NAA16: variants seen among roughly 807,000 people sequenced by gnomAD.
NAA16 encodes NARG1-like protein.
In NAA16, 97 loss-of-function variants were observed where a neutral mutation model predicts 110.3. That is an observed-to-expected ratio of 0.88 (90% CI 0.75 to 1.04). NAA16 has a LOEUF of 1.04. NAA16 is among the 50% of genes least tolerant of loss of function. NAA16 has a pLI of 0.00. For synonymous variants in NAA16, 372 were observed against 330.6 expected, an observed-to-expected ratio of 1.13 and a Z score of -1.36; for missense variants, 1,017 against 1,005.1, an observed-to-expected ratio of 1.01 and a Z score of -0.16.
rs571961230 is a variant in NAA16, at chr13:41,347,878, T to G, written c.1015-7266T>G. Among the ~76,000 whole-genome samples, 73 of 152,344 alleles carry G rather than the reference T, an allele frequency of 4.8e-4. 1 individual carries two copies. The highest frequency in any genetic ancestry group is 4.0e-3 in the Admixed American group (61 of 15,304). ...GCCCTGGGTACCTTCAGTACAATAT[T>G]GACTGGAAGTGGTGAGAGTTCTTTG... On this transcript the variant is annotated intron_variant, in intron 9 of 19. Coordinates refer to ENST00000379406, the MANE Select transcript of NAA16 (RefSeq NM_024561.5).
chr13:41,373,577 T>G, intron 17 of NAA16, 60 bp from the exon 18 acceptor site: 1 of 837,720 alleles, frequency 1.2e-6, no homozygotes, highest in East Asian at 4.2e-5. Context: ...TTTCAGTAGG[T>G]TTTTTTTTTT....
chr13:41,359,314 TA>T (rs2043063470), intron 12 of NAA16, among the ~76,000 whole-genome samples: 1 of 152,208 alleles, frequency 6.6e-6, no homozygotes, highest in South Asian at 2.1e-4. Context: ...AATTCTGTCT[TA>T]CTTTTAACTT....
chr13:41,331,830 G>A (rs903102992), intron 8 of NAA16, among the ~76,000 whole-genome samples: 3 of 152,080 alleles, frequency 2.0e-5, no homozygotes, highest in Admixed American at 1.3e-4. Context: ...ATAAGTAATC[G>A]AGGCGATAGG....
intron 9 of NAA16, among the ~76,000 whole-genome samples, chr13:41,343,821 G>A (rs916287218): frequency 6.6e-6 from 1 of 152,104 alleles, no homozygotes; most frequent in Non-Finnish European, 1.5e-5. Context: ...GATTACAGGC[G>A]TGAGCCACTG....
At chr13:41,319,008 A>G (rs2041879308) in intron 3 of NAA16, 98 bp downstream of exon 3, 1 of 554,830 alleles carries the variant, frequency 1.8e-6, no homozygotes, top group Non-Finnish European at 3.0e-6. Context: ...TACGTAGAAG[A>G]GAGAATTTAA....
chr13:41,320,766 A>G lies in NAA16; in HGVS notation c.344A>G (p.Gln115Arg). The G allele has an allele frequency of 6.2e-7, 1 of 1,613,386 alleles. No individual in the cohort carries two copies. The highest frequency in any genetic ancestry group is 8.5e-7 in the Non-Finnish European group (1 of 1,179,878). Reference sequence around the variant, plus strand: ...CTCAAATTAGATAAAGATAACCTGCAAATTTTGAGGGATCTCTCACTGTTG... The same window carrying G: ...CTCAAATTAGATAAAGATAACCTGCGAATTTTGAGGGATCTCTCACTGTTG... ...NALKLDKDNL[Q>R]ILRDLSLLQI... Residue 115 changes from glutamine (Q) to arginine (R), a missense_variant, in exon 4 of 20, where the codon CAA becomes CGA. Transcript: ENST00000379406.
rs1051892121 is a variant in NAA16, at chr13:41,320,741, C to T, written c.319C>T (p.Leu107Phe). Residue 107 changes from leucine to phenylalanine, a missense_variant, in exon 4 of 20, where the codon CTC (leucine) becomes TTC (phenylalanine). Leu to Phe is a conservative substitution (Grantham distance 22). Coordinates refer to ENST00000379406, the MANE Select transcript of NAA16 (RefSeq NM_024561.5). ...AGCTATAAAATGTTACCGAAATGCC[C>T]TCAAATTAGATAAAGATAACCTGCA... ...DEAIKCYRNA[L>F]KLDKDNLQIL... 2 of 1,613,208 alleles carry T rather than the reference C, an allele frequency of 1.2e-6. No homozygotes were observed. The highest frequency in any genetic ancestry group is 2.2e-5 in the South Asian group (2 of 90,906).
At chr13:41,336,836 A>G (rs1430040108) in intron 9 of NAA16, 80 bp downstream of exon 9, 32 of 756,002 alleles carry the variant, frequency 4.2e-5, no homozygotes, top group Non-Finnish European at 6.3e-5. Context: ...ATAATGTGCT[A>G]TTACTTAATC....
Position 41,375,385 on chromosome 13 carries a change from T to G in NAA16, c.2398-20T>G. On this transcript the variant is annotated intron_variant, in intron 19 of 19. Transcript: ENST00000379406. ...GCTTATTATTTTTAAATAATTTGTG[T>G]TTTCCTTTTGTTTCACTAGACATTA... 6.4e-7 allele frequency: 1 copy of G among 1,573,178 alleles called. No homozygotes were observed. The highest frequency in any genetic ancestry group is 8.7e-7 in the Non-Finnish European group (1 of 1,149,492).
chr13:41,374,285 G>GT (rs948637549), intron 18 of NAA16, among the ~76,000 whole-genome samples: 3 of 151,354 alleles, frequency 2.0e-5, no homozygotes, highest in African/African-American at 7.3e-5. Flanking sequence ...ACATTTTCCT[G>GT]TTTTCCCCGC....
chr13:41,356,657 G>C (rs575729842), intron 10 of NAA16, among the ~76,000 whole-genome samples: 1 of 152,104 alleles, frequency 6.6e-6, no homozygotes, highest in Non-Finnish European at 1.5e-5. Flanking sequence ...CAAATAATTG[G>C]TTGTTATATC....
In NAA16 at chr13:41,331,360, C is replaced by T. The variant is rs774921686; in HGVS notation, c.898C>T (p.Leu300Phe). The change falls in exon 8 of 20, where the codon CTT becomes TTT. Residue 300 changes from leucine to phenylalanine, a missense_variant. Physicochemically the swap from Leu to Phe is conservative, Grantham distance 22. Coordinates refer to ENST00000379406, the MANE Select transcript of NAA16 (RefSeq NM_024561.5). ...TACACCCAGAAGATTACCTTTGACT[C>T]TTGTCCCAGGTAATATTAAGATGTC... The part of the protein sequence containing the change: ...AITPRRLPLT[L>F]VPGERFRELM... 1.3e-6 allele frequency: 2 copies of T among 1,588,256 alleles called. No homozygotes were observed. Among genetic ancestry groups the T allele is most frequent in the Non-Finnish European group, 1.7e-6 (2 of 1,159,508 alleles).
At chr13:41,369,821 T>C (rs1296014759) in intron 15 of NAA16, among the ~76,000 whole-genome samples, 1 of 152,142 alleles carries the variant, frequency 6.6e-6, no homozygotes, top group Admixed American at 6.5e-5. Context: ...GATTCCCCCT[T>C]CGAATCTCCA....
In NAA16 at chr13:41,376,402, G is replaced by T. The variant is rs9532797; in HGVS notation, c.*800G>T. 1.3e-5 allele frequency: 2 copies of T among 152,034 alleles called. No individual in the cohort carries two copies. Among genetic ancestry groups the T allele is most frequent in the African/African-American group, 2.4e-5 (1 of 41,372 alleles). The allele number at this position is 152,034 out of a possible 1,614,324, so 9.4% of individuals were successfully genotyped here. ...ATTTCCTTTTAGTATTCATGAAAAT[G>T]GTATTTTCTGGTTGAATAAGGGTAC... On this transcript the variant is annotated 3_prime_UTR_variant, in exon 20 of 20. Transcript: ENST00000379406.
chr13:41,313,032 A>G (rs1211238914), intron 1 of NAA16, among the ~76,000 whole-genome samples: 15 of 152,164 alleles, frequency 9.9e-5, no homozygotes, highest in African/African-American at 2.9e-4. Context: ...AATATCATTT[A>G]TAAATCGCTA....
intron 10 of NAA16, among the ~76,000 whole-genome samples, chr13:41,358,016 G>A (rs943362808): frequency 1.3e-5 from 2 of 152,026 alleles, no homozygotes; most frequent in African/African-American, 4.8e-5. Context: ...TTGCTTTCAG[G>A]CTGAGAGTTC....
chr13:41,326,215 TGATGATACTGG>T (rs2042090070), intron 6 of NAA16, among the ~76,000 whole-genome samples: 1 of 152,190 alleles, frequency 6.6e-6, no homozygotes, highest in Non-Finnish European at 1.5e-5. Context: ...GAACCATAAC[TGATGATACTGG>T]GATCATCATG....
intron 13 of NAA16, among the ~76,000 whole-genome samples, chr13:41,366,733 GT>G (rs1364241119): frequency 6.6e-6 from 1 of 152,070 alleles, no homozygotes; most frequent in East Asian, 1.9e-4. Flanking sequence ...AAACAATAAA[GT>G]TCTGTATTTA....
chr13:41,338,495 T>C (rs1366619739), intron 9 of NAA16, among the ~76,000 whole-genome samples: 5 of 152,290 alleles, frequency 3.3e-5, no homozygotes, highest in African/African-American at 1.2e-4. Flanking sequence ...GTGTTAATTT[T>C]AAAGCAAGCA....
Sources: allele counts gnomAD v4.1 joint callset (sites outside exome capture counted in the v4.1 genomes callset), GRCh38; gene constraint gnomAD v4.1.1; transcripts MANE v1.5; gene names NCBI Gene and HGNC (gene_info 2026-07-23, HGNC 2026-07-21).